Variants in LIMS2 observed in about 807,000 individuals in gnomAD.
LIMS2 encodes LIM zinc finger domain containing 2, also known as LIM and senescent cell antigen-like-containing domain protein 2.
LIMS2 carries 30 observed loss-of-function variants against 45.3 expected under a neutral mutation model. That is an observed-to-expected ratio of 0.66 (90% confidence interval 0.50 to 0.90). LIMS2 has a LOEUF of 0.90. Ranked by LOEUF, LIMS2 falls within the 40% of genes least tolerant of loss-of-function variation. LIMS2 has a pLI of 0.00. For synonymous variants in LIMS2, 173 were observed against 188.0 expected (o/e 0.92, Z 0.65); for missense variants, 485 against 468.7 (o/e 1.03, Z -0.32).
intron 4 of LIMS2, chr2:127,651,686 C>A (rs1194664591): frequency 5.0e-6 from 8 of 1,613,136 alleles, no homozygotes; most frequent in South Asian, 2.2e-5. Flanking sequence ...GCAAAAGGCT[C>A]AAGGGCCCGC....
At chr2:127,679,608 C>T (rs1233750644), upstream of LIMS2, among the ~76,000 whole-genome samples, 3 of 144,538 alleles carry the variant, frequency 2.1e-5, no homozygotes, top group Non-Finnish European at 4.4e-5. This position sits in a 1 kb window ranked among gnomAD's most constrained non-coding sequence, Gnocchi z 5.3. Flanking sequence ...AGTTTCTCCA[C>T]CCCCCACCTT....
chr2:127,664,185 ACGCCGGGGCAGAGCCCACGGCGT>A lies in LIMS2; in HGVS notation c.12-6646_12-6624del, dbSNP rs1684857138. 1 of 771,186 alleles carries A rather than the reference ACGCCGGGGCAGAGCCCACGGCGT, an allele frequency of 1.3e-6. No individual in the cohort carries two copies. The highest frequency in any genetic ancestry group is 4.8e-5 in the Admixed American group (1 of 20,740). 47.8% of individuals were successfully genotyped at this position (771,186 alleles called of 1,614,324 possible). ...CTGTCGCCAACCCAGGGCCCATCCG[ACGCCGGGGCAGAGCCCACGGCGT>A]CGGAGGGCCCCGGTCGGGTTTCCGA... On this transcript the variant is annotated intron_variant, in intron 1 of 9. Coordinates refer to ENST00000355119, the MANE Select transcript of LIMS2 (RefSeq NM_001161403.3). The surrounding 1 kb of genome is among the most constrained non-coding windows in gnomAD (Gnocchi z 5.5).
In LIMS2 at chr2:127,653,036, T is replaced by G. The variant is rs572158760; in HGVS notation, c.359+1388A>C. ...GACGTTGCTGGTCAGCACGAGCTCC[T>G]GGTGCTGTCCCTCGGCCCCTGCACT... On this transcript the variant is annotated intron_variant, in intron 4 of 9. Coordinates refer to ENST00000355119, the MANE Select transcript of LIMS2 (RefSeq NM_001161403.3). The surrounding 1 kb of genome is among the most constrained non-coding windows in gnomAD (Gnocchi z 5.3). 1.3e-5 allele frequency among the ~76,000 whole-genome samples: 2 copies of G among 152,332 alleles called. No individual in the cohort carries two copies. The highest frequency in any genetic ancestry group is 3.9e-4 in the East Asian group (2 of 5,182).
intron 4 of LIMS2, chr2:127,650,195 C>A: frequency 1.1e-6 from 1 of 883,896 alleles, no homozygotes; most frequent in Non-Finnish European, 1.8e-6. Context: ...CGGTGACACC[C>A]CGGCCACTGC....
At chr2:127,650,629 C>A in intron 4 of LIMS2, 1 of 891,484 alleles carries the variant, frequency 1.1e-6, no homozygotes, top group Admixed American at 2.2e-5. Flanking sequence ...GTTCTGAAGG[C>A]ATTGGAGGCC....
chr2:127,651,428 C>G (rs750215143), intron 4 of LIMS2: 6 of 1,612,938 alleles, frequency 3.7e-6, no homozygotes, highest in Non-Finnish European at 5.1e-6. Context: ...GCCTCAAGAC[C>G]AAGGCAGTGC....
chr2:127,651,947 C>CTTTGGTGG (rs1683845134), intron 4 of LIMS2: 29 of 627,082 alleles, frequency 4.6e-5, no homozygotes, highest in Non-Finnish European at 8.0e-5. Flanking sequence ...ATCGGCCACC[C>CTTTGGTGG]CTCTGCAGGG....
chr2:127,658,834 G>C (rs749690058), intron 1 of LIMS2, among the ~76,000 whole-genome samples: 1 of 152,180 alleles, frequency 6.6e-6, no homozygotes, highest in African/African-American at 2.4e-5. Flanking sequence ...GGTTGCAGCC[G>C]GGTGGTGGCA....
intron 4 of LIMS2, chr2:127,649,918 G>A: frequency 9.8e-7 from 1 of 1,022,186 alleles, no homozygotes; most frequent in East Asian, 2.6e-5. Flanking sequence ...GCTGCCCCCT[G>A]GTGGTGGATC....
Position 127,638,835 on chromosome 2 carries a change from T to C in LIMS2, c.*446A>G, listed in dbSNP as rs1682097590. On this transcript the variant is annotated 3_prime_UTR_variant, in exon 10 of 10. Coordinates refer to ENST00000355119, the MANE Select transcript of LIMS2 (RefSeq NM_001161403.3). ...ATCTGCATGGCCCTGGCCCTGTGGCTCCAGCAGGCTGCCCTGGCTGTGGGT... is the reference window on the plus strand; with the variant it reads ...ATCTGCATGGCCCTGGCCCTGTGGCCCCAGCAGGCTGCCCTGGCTGTGGGT... The C allele has an allele frequency of 5.7e-6, 1 of 175,028 alleles. No homozygotes were observed. Among genetic ancestry groups the C allele is most frequent in the Non-Finnish European group, 1.2e-5 (1 of 81,692 alleles). 10.8% of individuals were successfully genotyped at this position (175,028 alleles called of 1,614,324 possible).
chr2:127,673,018 G>T (rs1307389431), intron 1 of LIMS2, among the ~76,000 whole-genome samples: 1 of 152,214 alleles, frequency 6.6e-6, no homozygotes, highest in African/African-American at 2.4e-5. Flanking sequence ...ACTGCTTCTG[G>T]GACAGGAAAA....
intron 4 of LIMS2, chr2:127,643,658 C>T (rs1311166352): frequency 8.8e-6 from 4 of 452,230 alleles, no homozygotes; most frequent in South Asian, 3.1e-5. Flanking sequence ...TGATGCTACT[C>T]GCTGTGTTGG....
At chr2:127,677,729 A>G (rs1685534392), upstream of LIMS2, among the ~76,000 whole-genome samples, 1 of 152,232 alleles carries the variant, frequency 6.6e-6, no homozygotes, top group Non-Finnish European at 1.5e-5. The surrounding 1 kb of genome is among the most constrained non-coding windows in gnomAD (Gnocchi z 5.0). Flanking sequence ...TAGCATCAGC[A>G]GGGGTGAATC....
intron 4 of LIMS2, chr2:127,650,644 T>C: frequency 9.1e-7 from 1 of 1,097,120 alleles, no homozygotes; most frequent in Non-Finnish European, 1.3e-6. Flanking sequence ...GAGGCCTGAC[T>C]TCTGGACTTC....
chr2:127,643,233 C>A, intron 4 of LIMS2, 161 bp from the exon 5 acceptor site: 1 of 701,454 alleles, frequency 1.4e-6, no homozygotes, highest in Non-Finnish European at 2.4e-6. Flanking sequence ...TGTCACAAGG[C>A]CCAGAAGGTC....
chr2:127,639,088 A>G lies in LIMS2; in HGVS notation c.*193T>C, dbSNP rs1161615042. 1.6e-6 allele frequency: 1 copy of G among 625,394 alleles called. No individual in the cohort carries two copies. The highest frequency in any genetic ancestry group is 1.9e-5 in the African/African-American group (1 of 53,826). The allele number at this position is 625,394 out of a possible 1,614,324, so 38.7% of individuals were successfully genotyped here. A position where few individuals can be genotyped will look rare whatever the true frequency, so the allele number is the denominator to read the frequency against. ...CCCCAGCTCCTGCCTCCTCACAGACAGAAGCCACGGCCAAGGAGAGGAGAG... is the reference window on the plus strand; with the variant it reads ...CCCCAGCTCCTGCCTCCTCACAGACGGAAGCCACGGCCAAGGAGAGGAGAG... On this transcript the variant is annotated 3_prime_UTR_variant, in exon 10 of 10. Coordinates refer to ENST00000355119, the MANE Select transcript of LIMS2 (RefSeq NM_001161403.3).
chr2:127,670,243 G>A (rs139530119), intron 1 of LIMS2, among the ~76,000 whole-genome samples: 11 of 152,258 alleles, frequency 7.2e-5, no homozygotes, highest in South Asian at 2.1e-4. Context: ...TGTCTACCAC[G>A]GATGAAGGAA....
chr2:127,647,040 G>GCCCAGGCTGAGGCC lies in LIMS2; in HGVS notation c.360-3982_360-3969dup, dbSNP rs1443610055. Among the ~76,000 whole-genome samples, 55 of 152,210 alleles carry GCCCAGGCTGAGGCC rather than the reference G, an allele frequency of 3.6e-4. No individual in the cohort carries two copies. In the East Asian group the frequency reaches 0.01, roughly 28 times the overall value. ...GCCCGGGCAGGAAGTGGAGGGCAGT[G>GCCCAGGCTGAGGCC]CCCAGGCTGAGGCCCCCGGGCTGGA... On this transcript the variant is annotated intron_variant, in intron 4 of 9. Coordinates refer to ENST00000355119, the MANE Select transcript of LIMS2 (RefSeq NM_001161403.3). The surrounding 1 kb of genome is among the most constrained non-coding windows in gnomAD (Gnocchi z 4.3).
chr2:127,648,134 G>A lies in LIMS2; in HGVS notation c.360-5062C>T, dbSNP rs1015745436. 1.2e-4 allele frequency: 114 copies of A among 985,458 alleles called. 1 individual carries two copies. The African/African-American group carries it at 1.8e-3, about 16-fold the overall frequency. The allele number at this position is 985,458 out of a possible 1,614,324, so 61.0% of individuals were successfully genotyped here. A position where few individuals can be genotyped will look rare whatever the true frequency, so the allele number is the denominator to read the frequency against. ...ACCAGCCAGACCAAGTCAGAGTACTGTGGAACCTGGATTCCTGGGGAATGG... is the reference window on the plus strand; with the variant it reads ...ACCAGCCAGACCAAGTCAGAGTACTATGGAACCTGGATTCCTGGGGAATGG... On this transcript the variant is annotated intron_variant, in intron 4 of 9. Coordinates refer to ENST00000355119, the MANE Select transcript of LIMS2 (RefSeq NM_001161403.3).
Sources: gnomAD v4.1 joint callset for allele counts (sites outside exome capture counted in the v4.1 genomes callset) on GRCh38, gnomAD v4.1.1 for gene constraint, Gnocchi (gnomAD v3.1) non-coding constraint, MANE v1.5 for transcripts, NCBI Gene and HGNC (gene_info 2026-07-23, HGNC 2026-07-21) for gene names.